GALNTL6: variants seen among roughly 807,000 people sequenced by gnomAD.
GALNTL6 encodes polypeptide N-acetylgalactosaminyltransferase-like 6.
GALNTL6 carries 46 observed loss-of-function variants against 73.7 expected under a neutral mutation model. The observed-to-expected ratio is 0.62, with a 90% confidence interval of 0.49 to 0.80. GALNTL6 has a LOEUF of 0.80. Among genes scored for constraint, GALNTL6 ranks in the 30% least tolerant of loss-of-function variants. GALNTL6 has a pLI of 0.00. For synonymous variants in GALNTL6, 259 were observed against 263.7 expected, an observed-to-expected ratio of 0.98 and a Z score of 0.17; for missense variants, 604 against 755.0, an observed-to-expected ratio of 0.80 and a Z score of 2.34.
chr4:172,320,177 G>A (rs955603639), intron 4 of GALNTL6, among the ~76,000 whole-genome samples: 1 of 152,098 alleles, frequency 6.6e-6, no homozygotes, highest in Non-Finnish European at 1.5e-5. Flanking sequence ...TCTACGTGGG[G>A]TATAGCATGC....
chr4:172,180,582 G>A (rs1190788073), intron 2 of GALNTL6, among the ~76,000 whole-genome samples: 10 of 152,132 alleles, frequency 6.6e-5, no homozygotes, highest in Admixed American at 6.6e-4. Context: ...ATGGTTTTAG[G>A]CTTCACGTGT....
intron 12 of GALNTL6, among the ~76,000 whole-genome samples, chr4:173,038,707 T>C (rs892893491): frequency 6.6e-6 from 1 of 152,208 alleles, no homozygotes. Context: ...TTCCTTATTC[T>C]TTCTTCCTTC....
chr4:172,101,143 C>T (rs1579139396), intron 2 of GALNTL6, among the ~76,000 whole-genome samples: 1 of 152,054 alleles, frequency 6.6e-6, no homozygotes, highest in South Asian at 2.1e-4. Flanking sequence ...ACTTGTAGAG[C>T]CAGTTTCCCT....
intron 5 of GALNTL6, among the ~76,000 whole-genome samples, chr4:172,772,587 TTTA>T: frequency 2.7e-5 from 1 of 36,796 alleles, no homozygotes; most frequent in Non-Finnish European, 7.7e-5. Context: ...CATTGGTCTG[TTTA>T]TCTATCCTTC....
chr4:172,241,373 A>G (rs1403776394), intron 3 of GALNTL6, among the ~76,000 whole-genome samples: 1 of 152,184 alleles, frequency 6.6e-6, no homozygotes, highest in East Asian at 1.9e-4. Flanking sequence ...GGAAATGGAG[A>G]TTTCTTGAAT....
At chr4:172,072,806 C>T (rs115218230) in intron 2 of GALNTL6, among the ~76,000 whole-genome samples, 316 of 152,294 alleles carry the variant, frequency 2.1e-3, no homozygotes, top group African/African-American at 7.4e-3. Flanking sequence ...TACCAATAGC[C>T]TTCTAAAAGA....
chr4:173,024,629 C>T (rs1197380865), intron 12 of GALNTL6, among the ~76,000 whole-genome samples: 2 of 152,150 alleles, frequency 1.3e-5, no homozygotes, highest in East Asian at 3.8e-4. Flanking sequence ...GTTGCCCAGG[C>T]TGGGGTCAAT....
chr4:172,345,115 C>T (rs1218527378), intron 4 of GALNTL6, among the ~76,000 whole-genome samples: 1 of 149,902 alleles, frequency 6.7e-6, no homozygotes, highest in Non-Finnish European at 1.5e-5. Context: ...TTTTTGCTCC[C>T]ACATTATCCT....
chr4:172,202,849 A>G (rs1419340880), intron 2 of GALNTL6, among the ~76,000 whole-genome samples: 1 of 152,256 alleles, frequency 6.6e-6, no homozygotes, highest in Non-Finnish European at 1.5e-5. Context: ...GATGATTTCT[A>G]CATGAAAGTT....
intron 10 of GALNTL6, among the ~76,000 whole-genome samples, chr4:172,968,034 A>T (rs1365900855): frequency 1.3e-5 from 2 of 152,196 alleles, no homozygotes; most frequent in Admixed American, 1.3e-4. Flanking sequence ...CTTTTGTTTA[A>T]TCATCAAGAC....
At chr4:172,450,659 T>C (rs951465898) in intron 5 of GALNTL6, among the ~76,000 whole-genome samples, 1 of 152,178 alleles carries the variant, frequency 6.6e-6, no homozygotes, top group Non-Finnish European at 1.5e-5. Context: ...CCAACCTCAT[T>C]CCTTTTCTCT....
At chr4:172,860,370 A>G (rs1744334401) in intron 7 of GALNTL6, among the ~76,000 whole-genome samples, 1 of 152,222 alleles carries the variant, frequency 6.6e-6, no homozygotes, top group South Asian at 2.1e-4. Flanking sequence ...AAGCATAATG[A>G]CAAAAACTAG....
At chr4:172,624,091 C>A (rs1739065243) in intron 5 of GALNTL6, among the ~76,000 whole-genome samples, 3 of 152,126 alleles carry the variant, frequency 2.0e-5, no homozygotes, top group South Asian at 4.2e-4. Flanking sequence ...AATGTGATAT[C>A]CATCTTAGGA....
At chr4:172,404,161 A>G (rs1195583395) in intron 5 of GALNTL6, among the ~76,000 whole-genome samples, 1 of 151,990 alleles carries the variant, frequency 6.6e-6, no homozygotes, top group Non-Finnish European at 1.5e-5. Context: ...GCCTTAAAAT[A>G]AGGTTGCCAG....
intron 2 of GALNTL6, among the ~76,000 whole-genome samples, chr4:171,830,442 TTAAG>T (rs558964384): frequency 4.9e-4 from 75 of 152,296 alleles, no homozygotes; most frequent in African/African-American, 1.3e-3. Flanking sequence ...CTTGAAATAA[TTAAG>T]TGTCAAAAAG....
intron 3 of GALNTL6, among the ~76,000 whole-genome samples, chr4:172,277,378 C>G: frequency 6.6e-6 from 1 of 152,092 alleles, no homozygotes; most frequent in South Asian, 2.1e-4. Context: ...AACACTGGGT[C>G]TGTTGTTATG....
At chr4:172,128,485 A>G (rs1733365773) in intron 2 of GALNTL6, among the ~76,000 whole-genome samples, 1 of 152,208 alleles carries the variant, frequency 6.6e-6, no homozygotes, top group African/African-American at 2.4e-5. Flanking sequence ...ATAACAGACA[A>G]TTAGAGCTGA....
At chr4:172,790,010 G>C (rs148242890) in intron 5 of GALNTL6, among the ~76,000 whole-genome samples, 1 of 152,340 alleles carries the variant, frequency 6.6e-6, no homozygotes, top group Non-Finnish European at 1.5e-5. Flanking sequence ...CTGACCTCAA[G>C]GAGCTCAGAT....
chr4:172,686,202 C>G (rs940451843), intron 5 of GALNTL6, among the ~76,000 whole-genome samples: 1 of 152,130 alleles, frequency 6.6e-6, no homozygotes, highest in East Asian at 1.9e-4. Flanking sequence ...GCCTCTGCAG[C>G]CACACCACCT....
Sources: gnomAD v4.1 joint callset for allele counts (sites outside exome capture counted in the v4.1 genomes callset) on GRCh38, gnomAD v4.1.1 for gene constraint, MANE v1.5 for transcripts, NCBI Gene and HGNC (gene_info 2026-07-23, HGNC 2026-07-21) for gene names.